The following KIAA1549 variants were observed in gnomAD, a reference collection of about 807,000 sequenced individuals.
The protein encoded by KIAA1549 is KIAA1549, also known as UPF0606 protein KIAA1549.
Under a neutral mutation model 156.4 loss-of-function variants are expected in KIAA1549, and 70 were observed. The ratio of observed to expected loss-of-function variants is 0.45; its 90% confidence interval spans 0.37 to 0.55. The LOEUF is 0.55. Among genes scored for constraint, KIAA1549 ranks in the 20% least tolerant of loss-of-function variants. The probability of loss-of-function intolerance (pLI) is 0.00; values close to 1 mark genes in which losing one functional copy is unlikely to be tolerated. For synonymous variants in KIAA1549, 1,103 were observed against 1,066.4 expected, an observed-to-expected ratio of 1.03 and a Z score of -0.67; for missense variants, 2,428 against 2,540.9, an observed-to-expected ratio of 0.96 and a Z score of 0.96.
At chr7:138,943,319 G>C (rs1199866341) in intron 1 of KIAA1549, among the ~76,000 whole-genome samples, 1 of 152,158 alleles carries the variant, frequency 6.6e-6, no homozygotes, top group Non-Finnish European at 1.5e-5. Context: ...ATCCCTGCCA[G>C]AGAATCTGGA....
At chr7:138,888,749 T>C (rs1471586579) in intron 10 of KIAA1549, among the ~76,000 whole-genome samples, 9 of 152,244 alleles carry the variant, frequency 5.9e-5, no homozygotes, top group Admixed American at 5.9e-4. Context: ...AGATGATTCC[T>C]TTCTCAGACT....
intron 1 of KIAA1549, among the ~76,000 whole-genome samples, chr7:138,936,702 C>T (rs1404905220): frequency 6.6e-6 from 1 of 152,038 alleles, no homozygotes; most frequent in Admixed American, 6.6e-5. Flanking sequence ...CAAACAGTGT[C>T]ACTAGAGAAC....
chr7:138,838,048 T>C lies in KIAA1549; in HGVS notation c.5711A>G (p.Gln1904Arg). 1 of 1,602,318 alleles carries C rather than the reference T, an allele frequency of 6.2e-7. No individual in the cohort carries two copies. The highest frequency in any genetic ancestry group is 8.5e-7 in the Non-Finnish European group (1 of 1,174,712). ...PSGNLPHRGL[Q>R]GPGLGYPTSS... ...GGTGGGGTAACCCAGCCCAGGGCCC[T>C]GCAGTCCCCGGTGGGGGAGGTTCCC... The change falls in exon 20 of 20, where the codon CAG becomes CGG. Residue 1904 changes from glutamine to arginine, a missense_variant. Gln to Arg is a conservative substitution (Grantham distance 43, BLOSUM62 1). This residue lies in a region of KIAA1549 where 363 missense variants were observed against 354.0 expected (regional missense o/e 1.03). Coordinates refer to ENST00000422774, the MANE Select transcript of KIAA1549 (RefSeq NM_001164665.2).
chr7:138,831,866 G>C lies in KIAA1549; in HGVS notation c.*6040C>G. ...ATGCTCCGGAGGAGGGCAAAGTCGA[G>C]GGCGTTCCCACTCCCCTTTTCTGAA... On this transcript the variant is annotated 3_prime_UTR_variant, in exon 20 of 20. Coordinates refer to ENST00000422774, the MANE Select transcript of KIAA1549 (RefSeq NM_001164665.2). 4.3e-6 allele frequency: 1 copy of C among 232,882 alleles called. No individual in the cohort carries two copies. The highest frequency in any genetic ancestry group is 8.5e-6 in the Non-Finnish European group (1 of 117,808). The allele number at this position is 232,882 out of a possible 1,614,324, so 14.4% of individuals were successfully genotyped here.
At chr7:138,964,935 C>A (rs954186182) in intron 1 of KIAA1549, among the ~76,000 whole-genome samples, 5 of 151,942 alleles carry the variant, frequency 3.3e-5, no homozygotes, top group East Asian at 1.9e-4. Context: ...CAACGATGCT[C>A]ATAGCAGTGT....
At chr7:138,868,930 G>C (rs1396605619) in intron 14 of KIAA1549, among the ~76,000 whole-genome samples, 1 of 152,220 alleles carries the variant, frequency 6.6e-6, no homozygotes, top group Non-Finnish European at 1.5e-5. Context: ...CGGGAGCACA[G>C]GACCCACCTG....
At chr7:138,903,800 T>G (rs1424866449) in intron 7 of KIAA1549, 64 bp from the exon 8 acceptor site, 2 of 36,506 alleles carry the variant, frequency 5.5e-5, no homozygotes, top group Non-Finnish European at 9.8e-5. Flanking sequence ...ACAGTGTGTG[T>G]GTGTGTGTGT....
In KIAA1549 at chr7:138,918,177, C is replaced by T. The variant is rs762691466; in HGVS notation, c.1449G>A (p.Thr483=). The change falls in exon 2 of 20, where the codon ACG becomes ACA. Residue 483 remains threonine (T), a synonymous_variant. Transcript: ENST00000422774. The surrounding 1 kb of genome is among the most constrained non-coding windows in gnomAD (Gnocchi z 4.2). The part of the protein sequence containing the change: ...EFEEDPQVFN[T]LFPSRPIVPL... Reference sequence around the variant, plus strand: ...GGACGATAGGTCTGGAGGGGAAAAGCGTATTAAATACTTGAGGATCTTCCT... The same window carrying T: ...GGACGATAGGTCTGGAGGGGAAAAGTGTATTAAATACTTGAGGATCTTCCT... 1.1e-5 allele frequency: 18 copies of T among 1,613,834 alleles called. No individual in the cohort carries two copies. Among genetic ancestry groups the T allele is most frequent in the East Asian group, 6.7e-5 (3 of 44,892 alleles).
intron 17 of KIAA1549, among the ~76,000 whole-genome samples, chr7:138,850,296 T>C (rs557617359): frequency 3.9e-5 from 6 of 152,262 alleles, no homozygotes; most frequent in Admixed American, 2.0e-4. Context: ...TCCACAACAG[T>C]TGAACTAATT....
intron 17 of KIAA1549, among the ~76,000 whole-genome samples, chr7:138,845,491 A>C (rs925369479): frequency 6.6e-6 from 1 of 152,232 alleles, no homozygotes; most frequent in East Asian, 1.9e-4. Flanking sequence ...CTCAGGGGTC[A>C]GTTGCAATAT....
At chr7:138,921,136 T>G (rs892316299) in intron 1 of KIAA1549, among the ~76,000 whole-genome samples, 1 of 152,186 alleles carries the variant, frequency 6.6e-6, no homozygotes, top group Non-Finnish European at 1.5e-5. Flanking sequence ...AAGACCATTT[T>G]CCAAAAGTGG....
chr7:138,861,484 T>A, intron 15 of KIAA1549, 28 bp from the exon 16 acceptor site: 3 of 1,571,454 alleles, frequency 1.9e-6, no homozygotes, highest in Non-Finnish European at 1.7e-6. Flanking sequence ...AAAGGAAGAA[T>A]CACACATGAG....
At position 138,918,477 on chromosome 7, in the gene KIAA1549, G is replaced by A. The variant is rs1037622945; in HGVS notation, c.1149C>T (p.Leu383=). ...SPTDVSSNPF[L]PSDSSKTSEL... is the part of the protein sequence containing the mutation. ...CGGATGTTTTGCTGGAGTCGCTAGG[G>A]AGAAAGGGGTTAGATGAAACATCAG... is the stretch of plus-strand genomic sequence containing the variant. The change falls in exon 2 of 20, where the codon CTC becomes CTT. Residue 383 remains leucine, a synonymous_variant. Transcript: ENST00000422774. This position sits in a 1 kb window ranked among gnomAD's most constrained non-coding sequence, Gnocchi z 4.2. 1.9e-6 allele frequency: 3 copies of A among 1,614,020 alleles called. No individual in the cohort carries two copies. The highest frequency in any genetic ancestry group is 2.5e-6 in the Non-Finnish European group (3 of 1,179,888).
In KIAA1549 at chr7:138,899,149, A is replaced by G. The variant is rs1242196598; in HGVS notation, c.3670-17T>C. On this transcript the variant is annotated splice_polypyrimidine_tract_variant and intron_variant, in intron 8 of 19. Coordinates refer to ENST00000422774, the MANE Select transcript of KIAA1549 (RefSeq NM_001164665.2). Reference sequence around the variant, plus strand: ...ATTTACCACCTGAAAGATAGCAGAAACCATTCACATTGCAGAAGCTCATGT... The same window carrying G: ...ATTTACCACCTGAAAGATAGCAGAAGCCATTCACATTGCAGAAGCTCATGT... 6.2e-7 allele frequency: 1 copy of G among 1,611,338 alleles called. No individual in the cohort carries two copies.
Position 138,919,326 on chromosome 7 carries a change from G to A in KIAA1549, c.300C>T (p.Gly100=). ...AQVALTETAP[G]SQHSSPLHVT... ...CATGGAGAGGACTGCTGTGCTGGGA[G>A]CCGGGAGCAGTTTCTGTTAAGGCCA... Residue 100 remains glycine, a synonymous_variant, in exon 2 of 20, where the codon GGC becomes GGT. Coordinates refer to ENST00000422774, the MANE Select transcript of KIAA1549 (RefSeq NM_001164665.2). 6.2e-7 allele frequency: 1 copy of A among 1,613,992 alleles called. No homozygotes were observed. Among genetic ancestry groups the A allele is most frequent in the Non-Finnish European group, 8.5e-7 (1 of 1,179,878 alleles).
intron 17 of KIAA1549, among the ~76,000 whole-genome samples, chr7:138,848,834 T>C (rs1290086785): frequency 6.6e-6 from 1 of 152,216 alleles, no homozygotes; most frequent in African/African-American, 2.4e-5. Flanking sequence ...ACTGTAATTA[T>C]GATTTCCACT....
In KIAA1549 at chr7:138,833,061, G is replaced by A; in HGVS notation, c.*4845C>T. On this transcript the variant is annotated 3_prime_UTR_variant, in exon 20 of 20. Transcript: ENST00000422774. ...TTCACATGCTCTGTCTGCCGGTACA[G>A]AAGTGGACTTCCTCCTGCTCCTGTC... 4.3e-6 allele frequency: 1 copy of A among 232,168 alleles called. No individual in the cohort carries two copies. The highest frequency in any genetic ancestry group is 6.1e-5 in the East Asian group (1 of 16,430). 14.4% of individuals were successfully genotyped at this position (232,168 alleles called of 1,614,324 possible).
intron 1 of KIAA1549, among the ~76,000 whole-genome samples, chr7:138,946,227 A>G (rs1203152819): frequency 2.6e-5 from 4 of 152,140 alleles, no homozygotes; most frequent in Non-Finnish European, 5.9e-5. Flanking sequence ...CTGCTTTTAA[A>G]CACTGGTTAT....
chr7:138,918,957 A>G lies in KIAA1549; in HGVS notation c.669T>C (p.Ala223=). The G allele has an allele frequency of 6.2e-7, 1 of 1,614,044 alleles. No individual in the cohort carries two copies. Among genetic ancestry groups the G allele is most frequent in the Non-Finnish European group, 8.5e-7 (1 of 1,179,888 alleles). Residue 223 remains alanine (A), a synonymous_variant, in exon 2 of 20, where the codon GCT becomes GCC. Coordinates refer to ENST00000422774, the MANE Select transcript of KIAA1549 (RefSeq NM_001164665.2). This position sits in a 1 kb window ranked among gnomAD's most constrained non-coding sequence, Gnocchi z 4.2. ...AGGTGTGGAAATGACTGGCGGACTC[A>G]GCATATGCCGCTGGTTGTCGCGTTG... is the stretch of plus-strand genomic sequence containing the variant. ...QNTTRQPAAY[A]ESASHFHTFR... is the part of the protein sequence containing the mutation.
Sources: gnomAD v4.1 joint callset for allele counts (sites outside exome capture counted in the v4.1 genomes callset) on GRCh38, gnomAD v4.1.1 for gene constraint, gnomAD v4.1.1 regional missense constraint, Gnocchi (gnomAD v3.1) non-coding constraint, MANE v1.5 for transcripts, NCBI Gene and HGNC (gene_info 2026-07-23, HGNC 2026-07-21) for gene names.